Variants in ADCY9 observed in about 807,000 individuals in gnomAD.
ADCY9 encodes adenylate cyclase type 9.
In ADCY9, 50 loss-of-function variants were observed where a neutral mutation model predicts 101.5. The observed-to-expected ratio is 0.49, with a 90% CI of 0.39 to 0.62. The LOEUF is 0.62. Ranked by LOEUF, ADCY9 falls within the 20% of genes least tolerant of loss-of-function variation. The pLI is 0.00. For synonymous variants in ADCY9, 905 were observed against 769.3 expected (o/e 1.18, Z -2.92); for missense variants, 1,662 against 1,800.4 (o/e 0.92, Z 1.39).
rs2056904919 is a variant in ADCY9 at position 4,081,817 on chromosome 16, G to C, written c.1693+31933C>G. 1.3e-5 allele frequency among the ~76,000 whole-genome samples: 2 copies of C among 149,442 alleles called. 1 individual carries two copies. Among genetic ancestry groups the C allele is most frequent in the Non-Finnish European group, 3.0e-5 (2 of 67,160 alleles). On this transcript the variant is annotated intron_variant, in intron 2 of 10. Coordinates refer to ENST00000294016, the MANE Select transcript of ADCY9 (RefSeq NM_001116.4). ...GCGTGTGGGTAAGAGCAAGAGGGGG[G>C]CAGCAGGGGAGGAGGGCGCTGTGTC...
At chr16:4,069,720 T>A (rs2056821899) in intron 2 of ADCY9, among the ~76,000 whole-genome samples, 1 of 152,176 alleles carries the variant, frequency 6.6e-6, no homozygotes, top group African/African-American at 2.4e-5. Context: ...GTGTTACAGT[T>A]CTTACTTCTG....
intron 2 of ADCY9, among the ~76,000 whole-genome samples, chr16:4,078,445 C>T (rs1298592663): frequency 6.6e-6 from 1 of 151,810 alleles, no homozygotes; most frequent in Non-Finnish European, 1.5e-5. Context: ...CACCTGTAGT[C>T]CCAGCTACTT....
intron 2 of ADCY9, among the ~76,000 whole-genome samples, chr16:4,088,423 T>C (rs532658678): frequency 1.3e-5 from 2 of 151,848 alleles, no homozygotes; most frequent in South Asian, 2.1e-4. Context: ...TCCAGAGTAG[T>C]TGGGACTACA....
At chr16:4,087,829 C>A (rs778835826) in intron 2 of ADCY9, among the ~76,000 whole-genome samples, 1 of 135,400 alleles carries the variant, frequency 7.4e-6, no homozygotes, top group African/African-American at 3.6e-5. Context: ...CTCTCTCTCT[C>A]TTCCTTCCTT....
chr16:4,093,044 A>C (rs1177835899), intron 2 of ADCY9, among the ~76,000 whole-genome samples: 1 of 150,932 alleles, frequency 6.6e-6, no homozygotes, highest in Non-Finnish European at 1.5e-5. Flanking sequence ...CCAAATAACA[A>C]GAGGCAAAAA....
At chr16:4,009,971 C>T (rs1465863156) in intron 2 of ADCY9, among the ~76,000 whole-genome samples, 3 of 152,222 alleles carry the variant, frequency 2.0e-5, no homozygotes, top group Admixed American at 2.0e-4. Context: ...GAGCCACTGA[C>T]AGCCAGTGTG....
At chr16:4,075,675 C>G (rs2056862382) in intron 2 of ADCY9, among the ~76,000 whole-genome samples, 1 of 152,056 alleles carries the variant, frequency 6.6e-6, no homozygotes, top group African/African-American at 2.4e-5. Context: ...GAAGGGGAGA[C>G]ACAACTCCAA....
Position 4,060,124 on chromosome 16 carries a change from G to A in ADCY9, c.1694-52566C>T, listed in dbSNP as rs147897343. ...CCCAAAGGCACTGACATAAACCACG[G>A]TGATTTCCTGTAAACAACAGGAAAT... On this transcript the variant is annotated intron_variant, in intron 2 of 10. Coordinates refer to ENST00000294016, the MANE Select transcript of ADCY9 (RefSeq NM_001116.4). Among the ~76,000 whole-genome samples the A allele has an allele frequency of 3.3e-4, 51 of 152,286 alleles. 1 individual carries two copies. The East Asian group carries it at 8.1e-3, about 24-fold the overall frequency.
chr16:4,085,313 G>C (rs762000163), intron 2 of ADCY9, among the ~76,000 whole-genome samples: 1 of 152,092 alleles, frequency 6.6e-6, no homozygotes, highest in Non-Finnish European at 1.5e-5. Flanking sequence ...CATGAGCCGA[G>C]ATCGCACCAC....
rs543143600 is a variant in ADCY9 at position 4,086,353 on chromosome 16, C to T, written c.1693+27397G>A. 2.1e-4 allele frequency among the ~76,000 whole-genome samples: 32 copies of T among 152,162 alleles called. 1 individual carries two copies. The South Asian group carries it at 6.6e-3, about 32-fold the overall frequency. On this transcript the variant is annotated intron_variant, in intron 2 of 10. Transcript: ENST00000294016. Reference sequence around the variant, plus strand: ...GTACTACGTGGCAGGGGTGGCAGCCCGAGCCCTGAGATCGGAGAGCCTATC... The same window carrying T: ...GTACTACGTGGCAGGGGTGGCAGCCTGAGCCCTGAGATCGGAGAGCCTATC...
At position 3,962,900 on chromosome 16, in the gene ADCY9, C is replaced by T. The variant is rs1310000148; in HGVS notation, c.*2875G>A. 1 of 152,308 alleles carries T rather than the reference C, an allele frequency of 6.6e-6. No homozygotes were observed. The highest frequency in any genetic ancestry group is 6.6e-5 in the Admixed American group (1 of 15,242). 9.4% of individuals were successfully genotyped at this position (152,308 alleles called of 1,614,324 possible). On this transcript the variant is annotated 3_prime_UTR_variant, in exon 11 of 11. Coordinates refer to ENST00000294016, the MANE Select transcript of ADCY9 (RefSeq NM_001116.4). Reference sequence around the variant, plus strand: ...CTTTGGAAACTACAAATGATTACAGCCCATGTGACAGGAAGCACGCGGCCT... The same window carrying T: ...CTTTGGAAACTACAAATGATTACAGTCCATGTGACAGGAAGCACGCGGCCT...
intron 2 of ADCY9, among the ~76,000 whole-genome samples, chr16:4,075,133 T>TGCCAC (rs2056858925): frequency 6.6e-6 from 1 of 152,092 alleles, no homozygotes; most frequent in Non-Finnish European, 1.5e-5. Context: ...GCTGTGATCA[T>TGCCAC]GCCACTCCAC....
intron 2 of ADCY9, among the ~76,000 whole-genome samples, chr16:4,088,472 C>T (rs76691446): frequency 0.044 from 6,637 of 151,990 alleles, 511 homozygotes; most frequent in African/African-American, 0.15. Context: ...TTGCATTTTG[C>T]AGCGACAGGA....
chr16:4,105,517 CA>C (rs796399538), intron 2 of ADCY9, among the ~76,000 whole-genome samples: 195 of 113,394 alleles, frequency 1.7e-3, no homozygotes, highest in Non-Finnish European at 2.0e-3. Context: ...ACTAAAAATA[CA>C]AAAAAAAAAA....
chr16:4,042,479 T>C (rs114657040), intron 2 of ADCY9, among the ~76,000 whole-genome samples: 2,171 of 152,306 alleles, frequency 0.014, 56 homozygotes, highest in African/African-American at 0.05. Flanking sequence ...TTTATTTCCT[T>C]CTGAAAAATC....
In ADCY9 at chr16:4,115,515, G is replaced by A. The variant is rs926248985; in HGVS notation, c.-43-30C>T. The A allele has an allele frequency of 6.9e-6, 10 of 1,453,190 alleles. No individual in the cohort carries two copies. In the Admixed American group the frequency reaches 1.3e-4, roughly 18 times the overall value. The allele number at this position is 1,453,190 out of a possible 1,614,324, so 90.0% of individuals were successfully genotyped here. On this transcript the variant is annotated intron_variant, in intron 1 of 10. Coordinates refer to ENST00000294016, the MANE Select transcript of ADCY9 (RefSeq NM_001116.4). This position sits in a 1 kb window ranked among gnomAD's most constrained non-coding sequence, Gnocchi z 6.2. ...CAGCAAAACGGGGAGAGTTAGCGGC[G>A]CTCCCACCTAGGCATGCACGCCTAG... is the stretch of plus-strand genomic sequence containing the variant.
intron 10 of ADCY9, among the ~76,000 whole-genome samples, chr16:3,968,668 CT>C (rs1033752217): frequency 3.3e-5 from 5 of 152,144 alleles, no homozygotes; most frequent in Non-Finnish European, 5.9e-5. Context: ...CAGATTCCCC[CT>C]GATGGAACTG....
chr16:4,047,910 T>TA (rs2056676619), intron 2 of ADCY9, among the ~76,000 whole-genome samples: 1 of 152,176 alleles, frequency 6.6e-6, no homozygotes, highest in Non-Finnish European at 1.5e-5. Context: ...AACCCTCCCT[T>TA]ACCCAGGTAG....
intron 2 of ADCY9, among the ~76,000 whole-genome samples, chr16:4,082,548 G>A (rs1220303262): frequency 6.6e-6 from 1 of 152,050 alleles, no homozygotes; most frequent in Non-Finnish European, 1.5e-5. Context: ...TACCTGCTTA[G>A]GAAGGAGATG....
Sources: allele counts gnomAD v4.1 joint callset (sites outside exome capture counted in the v4.1 genomes callset), GRCh38; gene constraint gnomAD v4.1.1; non-coding constraint Gnocchi (gnomAD v3.1); transcripts MANE v1.5; gene names NCBI Gene and HGNC (gene_info 2026-07-23, HGNC 2026-07-21).